Variants in U2SURP observed in about 807,000 individuals in gnomAD.
U2SURP encodes the protein U2 snRNP-associated SURP motif-containing protein.
Under a neutral mutation model 144.9 loss-of-function variants are expected in U2SURP, and 9 were observed. The observed-to-expected ratio is 0.06, with a 90% confidence interval of 0.04 to 0.11. The LOEUF is 0.11. Among genes scored for constraint, U2SURP ranks in the 10% least tolerant of loss-of-function variants. The probability of loss-of-function intolerance (pLI) is 1.00; values close to 1 mark genes in which losing one functional copy is unlikely to be tolerated. For synonymous variants in U2SURP, 408 were observed against 396.8 expected (o/e 1.03, Z -0.33); for missense variants, 724 against 1,226.7 (o/e 0.59, Z 6.12).
intron 6 of U2SURP, among the ~76,000 whole-genome samples, chr3:143,017,542 TG>T (rs1936430959): frequency 1.3e-5 from 2 of 152,076 alleles, no homozygotes; most frequent in South Asian, 4.1e-4. Flanking sequence ...TGGTTTTTTT[TG>T]TGTGGCTTAA....
At chr3:143,038,453 TTAG>T (rs1313065313) in intron 22 of U2SURP, among the ~76,000 whole-genome samples, 9 of 151,990 alleles carry the variant, frequency 5.9e-5, no homozygotes, top group Non-Finnish European at 2.9e-5. Flanking sequence ...TTAAGGCATT[TTAG>T]TAGCAAATGT....
intron 1 of U2SURP, among the ~76,000 whole-genome samples, chr3:143,006,390 G>T (rs1935834284): frequency 6.6e-6 from 1 of 152,178 alleles, no homozygotes; most frequent in Non-Finnish European, 1.5e-5. Flanking sequence ...GACAAGTCAA[G>T]TATATTGAGA....
chr3:143,014,073 T>G (rs879733372), intron 3 of U2SURP, among the ~76,000 whole-genome samples: 3 of 151,854 alleles, frequency 2.0e-5, no homozygotes, highest in Non-Finnish European at 4.4e-5. Flanking sequence ...TTTTTTAACA[T>G]GACTTTTGCA....
At chr3:143,034,375 G>A (rs372783325) in intron 18 of U2SURP, among the ~76,000 whole-genome samples, 3 of 151,688 alleles carry the variant, frequency 2.0e-5, no homozygotes, top group African/African-American at 2.4e-5. Flanking sequence ...TTGTCCTCTA[G>A]CTTGGGTGAC....
intron 25 of U2SURP, among the ~76,000 whole-genome samples, chr3:143,052,896 G>A (rs1934958015): frequency 6.7e-6 from 1 of 149,772 alleles, no homozygotes; most frequent in Non-Finnish European, 1.5e-5. Flanking sequence ...ACCAAAATCA[G>A]AATTTCAAAT....
chr3:143,038,260 G>C, intron 22 of U2SURP, 57 bp downstream of exon 22: 1 of 1,284,396 alleles, frequency 7.8e-7, no homozygotes, highest in Non-Finnish European at 1.1e-6. Context: ...TTAATTATTG[G>C]TGTGCTTGTA....
rs1013604734 is a variant in U2SURP at position 143,037,127 on chromosome 3, A to G, written c.2065-52A>G. 2.1e-5 allele frequency: 32 copies of G among 1,558,422 alleles called. No homozygotes were observed. The Admixed American group carries it at 5.6e-4, about 27-fold the overall frequency. On this transcript the variant is annotated intron_variant, in intron 20 of 27. Coordinates refer to ENST00000473835, the MANE Select transcript of U2SURP (RefSeq NM_001080415.2). ...GGATTACAAATTAATCTTACAAGCAATGTGACTTCAGCAAGCAAAGGAAAA... is the reference window on the plus strand; with the variant it reads ...GGATTACAAATTAATCTTACAAGCAGTGTGACTTCAGCAAGCAAAGGAAAA...
At chr3:143,017,137 A>C (rs889130863) in intron 6 of U2SURP, 162 bp downstream of exon 6, 9 of 535,438 alleles carry the variant, frequency 1.7e-5, no homozygotes, top group Middle Eastern at 3.8e-4. Flanking sequence ...CTTAGATGAG[A>C]GTTAATGAAT....
At chr3:143,003,677 C>CTTTTTTTTTTGTTTTTTTTTTTTTTTTTT (rs1935658474) in intron 1 of U2SURP, among the ~76,000 whole-genome samples, 1 of 101,506 alleles carries the variant, frequency 9.9e-6, no homozygotes, top group Non-Finnish European at 1.9e-5. Flanking sequence ...TATTTTATTT[C>CTTTTTTTTTTGTTTTTTTTTTTTTTTTTT]TTTTTTTTTT....
At position 143,059,170 on chromosome 3, in the gene U2SURP, T is replaced by C. The variant is rs921747805; in HGVS notation, c.*2720T>C. The C allele has an allele frequency of 2.0e-5, 3 of 152,550 alleles. No individual in the cohort carries two copies. The highest frequency in any genetic ancestry group is 2.1e-4 in the South Asian group (1 of 4,832). 9.4% of individuals were successfully genotyped at this position (152,550 alleles called of 1,614,324 possible). ...ATATGGGAATTTCTGAGCTATAACA[T>C]GTTGAGAAGTTAGAAATTAAAACTA... On this transcript the variant is annotated 3_prime_UTR_variant, in exon 28 of 28. Coordinates refer to ENST00000473835, the MANE Select transcript of U2SURP (RefSeq NM_001080415.2).
chr3:143,010,765 G>C, intron 1 of U2SURP, 50 bp from the exon 2 acceptor site: 1 of 1,400,276 alleles, frequency 7.1e-7, no homozygotes, highest in Non-Finnish European at 9.9e-7. Flanking sequence ...GACATGTTTT[G>C]TTAGTATAAG....
intron 24 of U2SURP, among the ~76,000 whole-genome samples, chr3:143,046,542 C>T (rs1309741376): frequency 1.2e-4 from 13 of 109,974 alleles, no homozygotes; most frequent in African/African-American, 5.2e-4. Context: ...ATGCTGCCTT[C>T]AAGCATCTGT....
At chr3:143,047,257 C>T (rs80295857) in intron 24 of U2SURP, among the ~76,000 whole-genome samples, 11 of 61,092 alleles carry the variant, frequency 1.8e-4, no homozygotes, top group Non-Finnish European at 2.5e-4. Context: ...ACGGGGCGGC[C>T]GGCCTGGCGG....
intron 24 of U2SURP, among the ~76,000 whole-genome samples, chr3:143,046,387 A>G (rs1934459538): frequency 7.7e-6 from 1 of 130,426 alleles, no homozygotes; most frequent in South Asian, 2.4e-4. Flanking sequence ...TGGCAGGGTC[A>G]TAGGACAATA....
intron 13 of U2SURP, chr3:143,026,312 A>G (rs1933143683): frequency 6.6e-6 from 1 of 152,164 alleles, no homozygotes; most frequent in Non-Finnish European, 1.5e-5. Context: ...AAAATATTGG[A>G]AAATAATTGT....
At chr3:143,053,091 C>G (rs1383606279) in intron 25 of U2SURP, among the ~76,000 whole-genome samples, 2 of 151,338 alleles carry the variant, frequency 1.3e-5, no homozygotes, top group African/African-American at 4.9e-5. Flanking sequence ...TTTTCCTTTT[C>G]TAGCCTTTTT....
At chr3:143,004,582 C>CG (rs1031638111) in intron 1 of U2SURP, among the ~76,000 whole-genome samples, 1 of 129,560 alleles carries the variant, frequency 7.7e-6, no homozygotes, top group Non-Finnish European at 1.7e-5. Flanking sequence ...GACCCCCCCC[C>CG]CCCGCCTCGG....
At chr3:143,011,523 A>G (rs1936119949) in intron 2 of U2SURP, among the ~76,000 whole-genome samples, 1 of 152,148 alleles carries the variant, frequency 6.6e-6, no homozygotes, top group Non-Finnish European at 1.5e-5. Context: ...CACTAATGCA[A>G]GTGTAGCTGG....
rs764113071 is a variant in U2SURP, at chr3:143,010,874, C to T, written c.90+15C>T. The T allele has an allele frequency of 6.3e-6, 10 of 1,591,980 alleles. No homozygotes were observed. In the South Asian group the frequency reaches 1.0e-4, roughly 16 times the overall value. ...CAGATGCACATGTGAGTATAGAAGG[C>T]AATCTTTGTCTTTTTTCCTTTAAAA... On this transcript the variant is annotated intron_variant, in intron 2 of 27. Transcript: ENST00000473835.
Sources: gnomAD v4.1 joint callset for allele counts (sites outside exome capture counted in the v4.1 genomes callset) on GRCh38, gnomAD v4.1.1 for gene constraint, MANE v1.5 for transcripts, NCBI Gene and HGNC (gene_info 2026-07-23, HGNC 2026-07-21) for gene names.